The following TTC6 variants were observed in gnomAD, a reference collection of about 807,000 sequenced individuals.
The protein encoded by TTC6 is tetratricopeptide repeat domain 6.
TTC6 carries 172 observed loss-of-function variants against 210.4 expected under a neutral mutation model. The observed-to-expected ratio is 0.82, with a 90% confidence interval of 0.72 to 0.93. The LOEUF (loss-of-function observed/expected upper bound fraction) is 0.93. Among genes scored for constraint, TTC6 ranks in the 40% least tolerant of loss-of-function variants. The pLI is 0.00. For synonymous variants in TTC6, 804 were observed against 819.6 expected (o/e 0.98, Z 0.32); for missense variants, 2,414 against 2,318.1 (o/e 1.04, Z -0.85).
At chr14:37,789,721 C>T (rs1450737190) in intron 15 of TTC6, among the ~76,000 whole-genome samples, 1 of 150,490 alleles carries the variant, frequency 6.6e-6, no homozygotes, top group East Asian at 1.9e-4. Flanking sequence ...ACTCTATGAT[C>T]TTTGCACAAT....
At chr14:37,833,832 G>T (rs1328029119) in intron 29 of TTC6, among the ~76,000 whole-genome samples, 4 of 152,048 alleles carry the variant, frequency 2.6e-5, no homozygotes, top group African/African-American at 4.8e-5. Context: ...TCTTTTGGCT[G>T]CCAGATGTAA....
At position 37,806,549 on chromosome 14, in the gene TTC6, A is replaced by G. The variant is rs1458835872; in HGVS notation, c.4314+39A>G. ...TGTTTTTAGTGAGTTGGAAAGTGTTAAGTTTGGTAAAACTATTAAATCTTT... is the reference window on the plus strand; with the variant it reads ...TGTTTTTAGTGAGTTGGAAAGTGTTGAGTTTGGTAAAACTATTAAATCTTT... On this transcript the variant is annotated intron_variant, in intron 22 of 30. Coordinates refer to ENST00000553443, the Ensembl canonical transcript of TTC6. 7 of 1,455,720 alleles carry G rather than the reference A, an allele frequency of 4.8e-6. No individual in the cohort carries two copies. In the Admixed American group the frequency reaches 1.6e-4, roughly 34 times the overall value. The allele number at this position is 1,455,720 out of a possible 1,614,324, so 90.2% of individuals were successfully genotyped here.
intron 1 of TTC6, among the ~76,000 whole-genome samples, chr14:37,670,242 G>T (rs77939836): frequency 0.011 from 1,688 of 152,198 alleles, 12 homozygotes; most frequent in Middle Eastern, 0.027. Flanking sequence ...CCTACAGAAA[G>T]CTCTTTAATT....
chr14:37,788,935 C>G (rs1326534445), intron 15 of TTC6, among the ~76,000 whole-genome samples: 15 of 152,144 alleles, frequency 9.9e-5, no homozygotes, highest in Admixed American at 9.8e-4. Context: ...GCCTCTTTCT[C>G]ATATTTCCCT....
At chr14:37,795,683 T>C (rs571509514) in intron 18 of TTC6, among the ~76,000 whole-genome samples, 15 of 152,302 alleles carry the variant, frequency 9.8e-5, no homozygotes, top group African/African-American at 3.6e-4. Flanking sequence ...GTTTTGATTA[T>C]GTCCACAATC....
chr14:37,680,293 C>A, intron 2 of TTC6, 32 bp downstream of exon 4: 1 of 1,338,426 alleles, frequency 7.5e-7, no homozygotes, highest in Non-Finnish European at 1.0e-6. Context: ...CTCCTTGCCT[C>A]TGTTAAAGTA....
chr14:37,770,043 C>A (rs1050523241), intron 14 of TTC6, among the ~76,000 whole-genome samples: 11 of 152,078 alleles, frequency 7.2e-5, no homozygotes, highest in Non-Finnish European at 1.6e-4. Context: ...TTTATTTCTG[C>A]CTTCATTTCG....
intron 14 of TTC6, among the ~76,000 whole-genome samples, chr14:37,784,935 T>G (rs2096064095): frequency 6.6e-6 from 1 of 152,242 alleles, no homozygotes; most frequent in South Asian, 2.1e-4. Context: ...TCTTTAAGAA[T>G]GTTGAATATT....
intron 7 of TTC6, among the ~76,000 whole-genome samples, chr14:37,733,289 A>T (rs1441735888): frequency 2.0e-5 from 3 of 151,904 alleles, no homozygotes; most frequent in Non-Finnish European, 4.4e-5. Flanking sequence ...TTTTACCCAT[A>T]TATTTATCTC....
chr14:37,749,456 T>A, intron 11 of TTC6, 55 bp downstream of exon 13: 1 of 1,361,766 alleles, frequency 7.3e-7, no homozygotes, highest in Non-Finnish European at 9.4e-7. Flanking sequence ...TGCTTTTAAT[T>A]GTATAGTAAT....
Position 37,631,298 on chromosome 14 carries a change from C to T in TTC6, c.939+8295C>T, listed in dbSNP as rs575894157. On this transcript the variant is annotated intron_variant, in intron 1 of 30. Coordinates refer to ENST00000553443, the Ensembl canonical transcript of TTC6. ...GCTTCCTTCAGGAGCTCTAGTAAGG[C>T]AGGCCTGGTGGTGACAAAAATCTCT... Among the ~76,000 whole-genome samples the T allele has an allele frequency of 2.6e-5, 4 of 152,214 alleles. No homozygotes were observed. The South Asian group carries it at 8.3e-4, about 32-fold the overall frequency.
At chr14:37,744,853 A>C (rs1261334717) in intron 10 of TTC6, among the ~76,000 whole-genome samples, 1 of 152,128 alleles carries the variant, frequency 6.6e-6, no homozygotes, top group Non-Finnish European at 1.5e-5. Flanking sequence ...CAGGGAGACC[A>C]GTTAGAAAGC....
At chr14:37,750,078 T>G (rs1231685488) in intron 12 of TTC6, among the ~76,000 whole-genome samples, 1 of 152,188 alleles carries the variant, frequency 6.6e-6, no homozygotes, top group Non-Finnish European at 1.5e-5. Flanking sequence ...GTAAGTTGGT[T>G]CCTTACTGCT....
chr14:37,732,365 A>G lies in TTC6; in HGVS notation c.1819-3556A>G, dbSNP rs118159815. On this transcript the variant is annotated intron_variant, in intron 7 of 30. Coordinates refer to ENST00000553443, the Ensembl canonical transcript of TTC6. ...GCCTTGCTAATTTTTCGTATTTTTT[A>G]GTACAGATGGGGTTTCACCGTGTTA... Among the ~76,000 whole-genome samples the G allele has an allele frequency of 3.0e-3, 446 of 150,644 alleles. 1 individual carries two copies. Among genetic ancestry groups the G allele is most frequent in the Non-Finnish European group, 5.4e-3 (368 of 67,694 alleles).
At chr14:37,751,258 T>A (rs1419015173) in intron 13 of TTC6, 33 bp downstream of exon 15, 1 of 1,469,162 alleles carries the variant, frequency 6.8e-7, no homozygotes, top group Admixed American at 2.2e-5. Flanking sequence ...CTACCATTTA[T>A]ATAGTTTAGA....
rs1210448643 is a variant in TTC6 at position 37,622,290 on chromosome 14, T to TA, written c.227dup (p.Tyr76Ter). The change falls in exon 1 of 31, where the codon TAC becomes TAAC. Residue 76 changes from tyrosine to a stop codon, truncating the protein, a stop_gained and frameshift_variant. Coordinates refer to ENST00000553443, the Ensembl canonical transcript of TTC6. LOFTEE classifies it high-confidence loss of function. The stretch of plus-strand genomic sequence containing the variant: ...CGCCGCAGCCCGGACGTCGAGAAGA[T>TA]ACCCTTCGCTTAAAGGCCCTGCGAT... The TA allele has an allele frequency of 6.1e-5, 93 of 1,534,808 alleles. No homozygotes were observed. The highest frequency in any genetic ancestry group is 5.0e-4 in the Middle Eastern group (3 of 6,004).
chr14:37,727,619 T>C (rs1472477896), intron 7 of TTC6, among the ~76,000 whole-genome samples: 1 of 151,670 alleles, frequency 6.6e-6, no homozygotes, highest in Non-Finnish European at 1.5e-5. Flanking sequence ...GAAAACTTAA[T>C]TAATTTCTTC....
At chr14:37,602,257 C>T (rs1810757249) in intron 1 of TTC6, among the ~76,000 whole-genome samples, 1 of 152,256 alleles carries the variant, frequency 6.6e-6, no homozygotes, top group African/African-American at 2.4e-5. Context: ...AATTGCCTCT[C>T]TGTCTTATAT....
chr14:37,830,015 A>T (rs973586698), intron 29 of TTC6, among the ~76,000 whole-genome samples: 14 of 152,058 alleles, frequency 9.2e-5, no homozygotes, highest in South Asian at 2.1e-4. Context: ...TGGTTGTCTG[A>T]AATTAGTCCT....
Sources: allele counts gnomAD v4.1 joint callset (sites outside exome capture counted in the v4.1 genomes callset), GRCh38; gene constraint gnomAD v4.1.1; transcripts MANE v1.5; gene names NCBI Gene and HGNC (gene_info 2026-07-23, HGNC 2026-07-21).